ERCC6: variants seen among roughly 807,000 people sequenced by gnomAD.
The protein encoded by ERCC6 is ERCC excision repair 6, chromatin remodeling factor.
A neutral mutation model predicts 158.7 loss-of-function variants in ERCC6; 116 were observed. That is an observed-to-expected ratio of 0.73 (90% confidence interval 0.63 to 0.85). The LOEUF (loss-of-function observed/expected upper bound fraction) is 0.85, where lower values mean the gene tolerates loss of function less well. ERCC6 is among the 40% of genes least tolerant of loss of function. ERCC6 has a pLI of 0.00. For missense variants in ERCC6, 1,698 were observed against 1,799.4 expected (o/e 0.94, Z 1.02); for synonymous variants, 678 against 659.3 (o/e 1.03, Z -0.43).
intron 8 of ERCC6, among the ~76,000 whole-genome samples, chr10:49,488,975 G>A (rs926452587): frequency 9.2e-5 from 14 of 152,040 alleles, no homozygotes; most frequent in South Asian, 2.1e-4. Context: ...TAGTAGAGAC[G>A]GGGTTTCACC....
chr10:49,442,908 A>T, the ERCC6 span, among the ~76,000 whole-genome samples: 1 of 152,246 alleles, frequency 6.6e-6, no homozygotes, highest in Non-Finnish European at 1.5e-5. Flanking sequence ...ACAATTTCAA[A>T]ATTCTATTCC....
chr10:49,438,217 G>C, the ERCC6 span, among the ~76,000 whole-genome samples: 1 of 152,080 alleles, frequency 6.6e-6, no homozygotes, highest in Non-Finnish European at 1.5e-5. Flanking sequence ...AACTTTAGAA[G>C]GGGAGTATAT....
chr10:49,443,542 A>G, the ERCC6 span, among the ~76,000 whole-genome samples: 10 of 152,228 alleles, frequency 6.6e-5, no homozygotes, highest in African/African-American at 2.4e-4. Flanking sequence ...ACCCTACTGC[A>G]CTGCCAGTTG....
At chr10:49,493,700 AG>A (rs2132565660) in intron 7 of ERCC6, among the ~76,000 whole-genome samples, 1 of 152,336 alleles carries the variant, frequency 6.6e-6, no homozygotes, top group South Asian at 2.1e-4. Flanking sequence ...TCACTGCCCT[AG>A]GAAGCAAGTA....
chr10:49,458,595 AT>A lies in ERCC6; in HGVS notation c.*219del, dbSNP rs971851341. 4.0e-5 allele frequency: 22 copies of A among 550,348 alleles called. No individual in the cohort carries two copies. Among genetic ancestry groups the A allele is most frequent in the Admixed American group, 3.2e-5 (1 of 31,246 alleles). The allele number at this position is 550,348 out of a possible 1,614,324, so 34.1% of individuals were successfully genotyped here. A position where few individuals can be genotyped will look rare whatever the true frequency, so the allele number is the denominator to read the frequency against. ...TAATTAGATTGCCAAAAAAAAAAAAATCAATCCAAGTATTTTCTCCTTTAGC... is the reference window on the plus strand; with the variant it reads ...TAATTAGATTGCCAAAAAAAAAAAAACAATCCAAGTATTTTCTCCTTTAGC... On this transcript the variant is annotated 3_prime_UTR_variant, in exon 21 of 21. Coordinates refer to ENST00000355832, the MANE Select transcript of ERCC6 (RefSeq NM_000124.4).
rs1359605786 is a variant in ERCC6, at chr10:49,539,069, A to C, written c.-122T>G. On this transcript the variant is annotated 5_prime_UTR_variant, in exon 1 of 21. Transcript: ENST00000355832. ...GCCTGCGCCCTCAGCTCAACCATAG[A>C]CACCGCCCCCAACAGCGACTCCGAC... The C allele has an allele frequency of 1.3e-5, 2 of 152,290 alleles. No homozygotes were observed. The highest frequency in any genetic ancestry group is 2.9e-5 in the Non-Finnish European group (2 of 68,148). The allele number at this position is 152,290 out of a possible 1,614,324, so 9.4% of individuals were successfully genotyped here.
At position 49,524,130 on chromosome 10, in the gene ERCC6, C is replaced by G. The variant is rs1238372734; in HGVS notation, c.1300G>C (p.Ala434Pro). The G allele has an allele frequency of 1.9e-6, 3 of 1,614,080 alleles. No homozygotes were observed. In the South Asian group the frequency reaches 3.3e-5, roughly 18 times the overall value. ...CCTTCTCCTACAGAAGCAGCTTCAG[C>G]TTCTTCCCCAGAACTTGGGAAAAAG... ...DDFFPSSGEE[A>P]EAASVGEGGG... Residue 434 changes from alanine to proline, a missense_variant, in exon 5 of 21, where the codon GCT becomes CCT. Physicochemically the swap from Ala to Pro is conservative, Grantham distance 27. Transcript: ENST00000355832.
chr10:49,491,949 A>C (rs546462742), intron 8 of ERCC6, among the ~76,000 whole-genome samples: 2 of 152,366 alleles, frequency 1.3e-5, no homozygotes, highest in South Asian at 4.1e-4. Flanking sequence ...ACTAGACAAC[A>C]ATCTATACTG....
chr10:49,487,713 TG>T (rs1376497602), intron 8 of ERCC6, among the ~76,000 whole-genome samples: 3 of 152,208 alleles, frequency 2.0e-5, no homozygotes, highest in African/African-American at 7.2e-5. Flanking sequence ...ACTGGAATGA[TG>T]TTTAGTTTCT....
In ERCC6 at chr10:49,524,751, T is replaced by C; in HGVS notation, c.679A>G (p.Met227Val). The change falls in exon 5 of 21, where the codon ATG (methionine) becomes GTG (valine). Residue 227 changes from methionine (M) to valine (V), a missense_variant. By Grantham distance (21) the Met-to-Val change is conservative. Transcript: ENST00000355832. Reference protein sequence around the residue: ...AEPGPSSLGSMLMPVQETAWE... With the variant: ...AEPGPSSLGSVLMPVQETAWE... ...GCAGTCTCCTGGACAGGCATGAGCATGCTGCCAAGACTGGATGGCCCCGGC... is the reference window on the plus strand; with the variant it reads ...GCAGTCTCCTGGACAGGCATGAGCACGCTGCCAAGACTGGATGGCCCCGGC... 6.2e-7 allele frequency: 1 copy of C among 1,603,698 alleles called. No homozygotes were observed. Among genetic ancestry groups the C allele is most frequent in the Non-Finnish European group, 8.5e-7 (1 of 1,179,986 alleles).
the ERCC6 span, among the ~76,000 whole-genome samples, chr10:49,436,541 T>A: frequency 6.6e-6 from 1 of 151,998 alleles, no homozygotes; most frequent in Non-Finnish European, 1.5e-5. Context: ...GAAACACACA[T>A]GAAGAAATGT....
chr10:49,447,502 A>G, the ERCC6 span, among the ~76,000 whole-genome samples: 1 of 152,138 alleles, frequency 6.6e-6, no homozygotes, highest in Non-Finnish European at 1.5e-5. Flanking sequence ...CCTGGTTAAT[A>G]TGGTGAAACC....
chr10:49,532,992 A>C lies in ERCC6; in HGVS notation c.-14-14T>G, dbSNP rs1388483481. The C allele has an allele frequency of 3.1e-6, 5 of 1,613,750 alleles. No individual in the cohort carries two copies. Among genetic ancestry groups the C allele is most frequent in the Non-Finnish European group, 4.2e-6 (5 of 1,179,962 alleles). The stretch of plus-strand genomic sequence containing the variant: ...TCTACAGACTACCTAAAAGGAAAAA[A>C]ATTTATAAGCCTTTTCGTTATATAG... On this transcript the variant is annotated splice_polypyrimidine_tract_variant and intron_variant, in intron 1 of 20. Coordinates refer to ENST00000355832, the MANE Select transcript of ERCC6 (RefSeq NM_000124.4).
At position 49,506,012 on chromosome 10, in the gene ERCC6, C is replaced by T. The variant is rs1372439351; in HGVS notation, c.1398G>A (p.Arg466=). 5.6e-6 allele frequency: 9 copies of T among 1,612,854 alleles called. No individual in the cohort carries two copies. The highest frequency in any genetic ancestry group is 7.6e-6 in the Non-Finnish European group (9 of 1,179,352). The change falls in exon 6 of 21, where the codon AGG becomes AGA. Residue 466 remains arginine, a splice_region_variant and synonymous_variant. Coordinates refer to ENST00000355832, the MANE Select transcript of ERCC6 (RefSeq NM_000124.4). ...CCTGCAGTCTCAGTTTATTCCATCT[C>T]CTACCATGAAAATAAAAATCACATT... is the stretch of plus-strand genomic sequence containing the variant. ...GDEDYYKQRL[R]RWNKLRLQDK... is the part of the protein sequence containing the mutation.
intron 5 of ERCC6, among the ~76,000 whole-genome samples, chr10:49,518,606 A>G (rs563521533): frequency 1.3e-5 from 2 of 152,172 alleles, no homozygotes; most frequent in African/African-American, 4.8e-5. Context: ...CTCAGGCCCT[A>G]AAGGCTGCAA....
chr10:49,504,595 T>C (rs1488252371), intron 6 of ERCC6: 1 of 152,198 alleles, frequency 6.6e-6, no homozygotes, highest in African/African-American at 2.4e-5. Flanking sequence ...GTATTCCTTT[T>C]GCTAGTACAA....
the ERCC6 span, among the ~76,000 whole-genome samples, chr10:49,440,144 GACT>G: frequency 6.2e-4 from 94 of 152,264 alleles, no homozygotes; most frequent in Middle Eastern, 3.4e-3. Flanking sequence ...GGTACCAACT[GACT>G]GTATTAGTCC....
At chr10:49,532,168 C>T (rs909806405) in intron 2 of ERCC6, among the ~76,000 whole-genome samples, 5 of 152,184 alleles carry the variant, frequency 3.3e-5, no homozygotes, top group African/African-American at 9.7e-5. Context: ...AAAGAAGCTA[C>T]CGCACAGAGA....
At chr10:49,528,379 A>G in intron 4 of ERCC6, 38 bp downstream of exon 4, 1 of 1,611,690 alleles carries the variant, frequency 6.2e-7, no homozygotes, top group Non-Finnish European at 8.5e-7. Flanking sequence ...TCAGGCATCA[A>G]TTCAAGAACA....
Sources: gnomAD v4.1 joint callset for allele counts (sites outside exome capture counted in the v4.1 genomes callset) on GRCh38, gnomAD v4.1.1 for gene constraint, MANE v1.5 for transcripts, NCBI Gene and HGNC (gene_info 2026-07-23, HGNC 2026-07-21) for gene names.